The following CETP variants were observed in gnomAD, a reference collection of about 807,000 sequenced individuals.
CETP encodes cholesteryl ester transfer protein.
In CETP, 56 loss-of-function variants were observed where a neutral mutation model predicts 66.5. The ratio of observed to expected loss-of-function variants is 0.84; its 90% CI spans 0.68 to 1.05. The LOEUF (loss-of-function observed/expected upper bound fraction) is 1.05. CETP is among the 50% of genes least tolerant of loss of function. The probability of loss-of-function intolerance (pLI) is 0.00; values close to 1 mark genes in which losing one functional copy is unlikely to be tolerated. For missense variants in CETP, 612 were observed against 609.6 expected, an observed-to-expected ratio of 1.00 and a Z score of -0.04; for synonymous variants, 251 against 245.7, an observed-to-expected ratio of 1.02 and a Z score of -0.20.
chr16:56,975,164 T>G lies in CETP; in HGVS notation c.981+13T>G. On this transcript the variant is annotated intron_variant, in intron 10 of 15. Coordinates refer to ENST00000200676, the MANE Select transcript of CETP (RefSeq NM_000078.3). ...AATCTTCCAAGAGGTAACTGCCCCC[T>G]GCCCCTGTGTGGGGTTTATCTCACG... 6.2e-7 allele frequency: 1 copy of G among 1,613,562 alleles called. No individual in the cohort carries two copies. Among genetic ancestry groups the G allele is most frequent in the Non-Finnish European group, 8.5e-7 (1 of 1,179,460 alleles).
intron 11 of CETP, among the ~76,000 whole-genome samples, chr16:56,979,192 T>A (rs2142004755): frequency 6.6e-6 from 1 of 152,300 alleles, no homozygotes; most frequent in South Asian, 2.1e-4. Context: ...CAACCCTTTA[T>A]TCATTAGGGC....
At chr16:56,976,436 G>A (rs558341992) in intron 10 of CETP, among the ~76,000 whole-genome samples, 1 of 151,578 alleles carries the variant, frequency 6.6e-6, no homozygotes, top group South Asian at 2.1e-4. Context: ...AAGTTGACGA[G>A]GTCTTTTGTC....
intron 5 of CETP, 149 bp downstream of exon 5, chr16:56,970,150 C>A (rs901701572): frequency 6.1e-5 from 44 of 723,070 alleles, no homozygotes; most frequent in Non-Finnish European, 1.0e-4. Context: ...TCACTTCCTA[C>A]CCCCTCCCAT....
At position 56,982,167 on chromosome 16, in the gene CETP, C is replaced by A; in HGVS notation, c.1251C>A (p.Ser417Arg). The A allele has an allele frequency of 6.2e-7, 1 of 1,614,010 alleles. No individual in the cohort carries two copies. Among genetic ancestry groups the A allele is most frequent in the Non-Finnish European group, 8.5e-7 (1 of 1,179,900 alleles). ...TPKTVSNLTE[S>R]SSESVQSFLQ... ...CACCATGGGCATTTGATTGGCAGAG[C>A]AGCTCCGAGTCCGTCCAGAGCTTCC... The change falls in exon 14 of 16, where the codon AGC (serine) becomes AGA (arginine). Residue 417 changes from serine (S) to arginine (R), a missense_variant and splice_region_variant. Physicochemically the swap from Ser to Arg is moderately radical, Grantham distance 110. Coordinates refer to ENST00000200676, the MANE Select transcript of CETP (RefSeq NM_000078.3).
intron 2 of CETP, among the ~76,000 whole-genome samples, chr16:56,968,017 G>A (rs964053657): frequency 1.3e-5 from 2 of 151,346 alleles, no homozygotes; most frequent in African/African-American, 4.9e-5. Context: ...GAGCAATCTA[G>A]TTGTTTCCTA....
chr16:56,982,674 T>C (rs1259498760), intron 14 of CETP, among the ~76,000 whole-genome samples: 1 of 152,168 alleles, frequency 6.6e-6, no homozygotes, highest in African/African-American at 2.4e-5. Context: ...CCCTTTGAGG[T>C]GACTCGGATG....
intron 12 of CETP, 37 bp downstream of exon 12, chr16:56,981,262 C>T (rs757331349): frequency 1.2e-5 from 18 of 1,510,584 alleles, no homozygotes; most frequent in East Asian, 2.3e-5. Flanking sequence ...CGGTCAACTC[C>T]GCAAACCTCT....
chr16:56,965,868 G>A (rs1204237825), intron 2 of CETP, among the ~76,000 whole-genome samples: 2 of 91,866 alleles, frequency 2.2e-5, no homozygotes, highest in African/African-American at 1.1e-4. Context: ...GTCCCCGGCG[G>A]CACAGGCAGC....
chr16:56,962,454 T>G (rs1173048018), intron 1 of CETP: 1 of 523,924 alleles, frequency 1.9e-6, no homozygotes, highest in Non-Finnish European at 3.7e-6. Context: ...ATATTTGGTG[T>G]TGGGGGTCAC....
chr16:56,962,347 TTGTC>T (rs767237440), intron 1 of CETP: 1 of 704,624 alleles, frequency 1.4e-6, no homozygotes, highest in African/African-American at 1.7e-5. Context: ...GGATTTGTGT[TTGTC>T]TGAGACCCAG....
At chr16:56,967,201 G>T (rs1375317844) in intron 2 of CETP, among the ~76,000 whole-genome samples, 1 of 151,168 alleles carries the variant, frequency 6.6e-6, no homozygotes, top group Non-Finnish European at 1.5e-5. Flanking sequence ...TACAAAATTA[G>T]CTGGGCATGA....
intron 2 of CETP, among the ~76,000 whole-genome samples, chr16:56,967,736 T>C (rs1164648828): frequency 6.6e-6 from 1 of 151,968 alleles, no homozygotes; most frequent in Non-Finnish European, 1.5e-5. Flanking sequence ...TAGGGTCTAA[T>C]TCTAAATTAG....
intron 11 of CETP, among the ~76,000 whole-genome samples, chr16:56,980,244 GTTGT>G (rs1247474408): frequency 3.9e-5 from 6 of 152,154 alleles, no homozygotes; most frequent in East Asian, 1.9e-4. Context: ...CTTTTTTGTT[GTTGT>G]TTGTTTGTTT....
intron 13 of CETP, 146 bp from the exon 14 acceptor site, chr16:56,982,019 G>A (rs750882906): frequency 4.2e-5 from 33 of 793,490 alleles, no homozygotes; most frequent in East Asian, 7.9e-5. Context: ...GAAGGGCACC[G>A]TCTGGGGCAG....
Position 56,969,654 on chromosome 16 carries a change from A to G in CETP, c.412A>G (p.Ile138Val), listed in dbSNP as rs1447562886. Residue 138 changes from isoleucine to valine, a missense_variant, in exon 4 of 16, where the codon ATT becomes GTT. By Grantham distance (29) the Ile-to-Val change is conservative. Transcript: ENST00000200676. ...QSIDFEIDSA[I>V]DLQINTQLTC... ...CATTGACTTCGAGATCGACTCTGCC[A>G]TTGACCTCCAGATCAACACACAGCT... The G allele has an allele frequency of 6.2e-7, 1 of 1,614,014 alleles. No homozygotes were observed.
chr16:56,974,335 A>G (rs1023308928), intron 9 of CETP, among the ~76,000 whole-genome samples: 5 of 152,154 alleles, frequency 3.3e-5, no homozygotes, highest in Admixed American at 2.0e-4. Context: ...TATAGTCCCA[A>G]CTACTCAGGT....
intron 1 of CETP, chr16:56,962,410 T>C: frequency 1.6e-6 from 1 of 617,200 alleles, no homozygotes; most frequent in African/African-American, 1.8e-5. Context: ...GGTTAGGGGG[T>C]TGAGTCAGGG....
Position 56,982,779 on chromosome 16 carries a change from G to C in CETP, c.1321+542G>C, listed in dbSNP as rs572813411. ...TGCTCCCTTCCCCACAGAGTATGTT[G>C]AGCTGACTGTGCTTTCCTTTTGAAC... is the stretch of plus-strand genomic sequence containing the variant. On this transcript the variant is annotated intron_variant, in intron 14 of 15. Coordinates refer to ENST00000200676, the MANE Select transcript of CETP (RefSeq NM_000078.3). Among the ~76,000 whole-genome samples, 19 of 152,280 alleles carry C rather than the reference G, an allele frequency of 1.2e-4. No individual in the cohort carries two copies. In the South Asian group the frequency reaches 3.9e-3, roughly 32 times the overall value.
In CETP at chr16:56,977,756, T is replaced by A. The variant is rs1276956395; in HGVS notation, c.982-335T>A. 1.9e-3 allele frequency among the ~76,000 whole-genome samples: 294 copies of A among 152,292 alleles called. 2 individuals are homozygous for A. The highest frequency in any genetic ancestry group is 3.9e-3 in the South Asian group (19 of 4,828). On this transcript the variant is annotated intron_variant, in intron 10 of 15. Coordinates refer to ENST00000200676, the MANE Select transcript of CETP (RefSeq NM_000078.3). Reference sequence around the variant, plus strand: ...TTCCACAGATTATCTCATTCCATCCTCAGGACAACCCTATGAGGTAGGATC... The same window carrying A: ...TTCCACAGATTATCTCATTCCATCCACAGGACAACCCTATGAGGTAGGATC...
Sources: gnomAD v4.1 joint callset for allele counts (sites outside exome capture counted in the v4.1 genomes callset) on GRCh38, gnomAD v4.1.1 for gene constraint, MANE v1.5 for transcripts, NCBI Gene and HGNC (gene_info 2026-07-23, HGNC 2026-07-21) for gene names.